RPH3A: variants seen among roughly 807,000 people sequenced by gnomAD.
RPH3A encodes rabphilin 3A.
A neutral mutation model predicts 102.2 loss-of-function variants in RPH3A; 48 were observed. That is an observed-to-expected ratio of 0.47 (90% CI 0.37 to 0.60). The LOEUF (loss-of-function observed/expected upper bound fraction) is 0.60, where lower values mean the gene tolerates loss of function less well. Ranked by LOEUF, RPH3A falls within the 20% of genes least tolerant of loss-of-function variation. The pLI is 0.00. For missense variants in RPH3A, 781 were observed against 910.1 expected (o/e 0.86, Z 1.83); for synonymous variants, 310 against 324.3 (o/e 0.96, Z 0.47).
At chr12:112,630,280 A>G (rs1423988649) in intron 1 of RPH3A, among the ~76,000 whole-genome samples, 1 of 152,162 alleles carries the variant, frequency 6.6e-6, no homozygotes, top group Non-Finnish European at 1.5e-5. Context: ...GAAACTCACA[A>G]TGATTTATTC....
chr12:112,579,451 C>T (rs1184383573), intron 1 of RPH3A, among the ~76,000 whole-genome samples: 2 of 152,046 alleles, frequency 1.3e-5, no homozygotes, highest in African/African-American at 4.8e-5. Context: ...ATGCCTCCTC[C>T]CTCACCTTCT....
At chr12:112,729,457 A>G (rs781713919) in intron 1 of RPH3A, among the ~76,000 whole-genome samples, 3 of 152,058 alleles carry the variant, frequency 2.0e-5, no homozygotes, top group Non-Finnish European at 4.4e-5. Flanking sequence ...AAGTGCTAGG[A>G]TTACAGGCAT....
Position 112,713,023 on chromosome 12 carries a change from C to CTTCTTCTTCT in RPH3A, c.-139-79119_-139-79118insTCTTCTTCTT, listed in dbSNP as rs2040485409. On this transcript the variant is annotated intron_variant, in intron 1 of 21. Coordinates refer to the RPH3A transcript ENST00000543106. ...CCTCTTCCTCTTCCTCTTCCTCTTC[C>CTTCTTCTTCT]TCTTCTTCTTCTTCTTCTTCTTCTT... is the stretch of plus-strand genomic sequence containing the variant. Among the ~76,000 whole-genome samples, 13 of 52,800 alleles carry CTTCTTCTTCT rather than the reference C, an allele frequency of 2.5e-4. 1 individual carries two copies. Among genetic ancestry groups the CTTCTTCTTCT allele is most frequent in the East Asian group, 1.5e-3 (2 of 1,366 alleles). The allele number at this position is 52,800 out of a possible 152,430, so 34.6% of individuals were successfully genotyped here.
At chr12:112,784,639 C>G (rs1423930870) in intron 1 of RPH3A, among the ~76,000 whole-genome samples, 1 of 152,154 alleles carries the variant, frequency 6.6e-6, no homozygotes, top group Admixed American at 6.5e-5. Context: ...CGTGAGAACT[C>G]AGAAATACAC....
In RPH3A at chr12:112,592,039, T is replaced by C. The variant is rs1026713946; in HGVS notation, c.-140+16720T>C. 4.6e-5 allele frequency among the ~76,000 whole-genome samples: 7 copies of C among 152,206 alleles called. No homozygotes were observed. In the South Asian group the frequency reaches 1.4e-3, roughly 32 times the overall value. ...CATACTTTAAATCACTTCGAGATTATTTAAATACCTAATACAATGTAAATG... is the reference window on the plus strand; with the variant it reads ...CATACTTTAAATCACTTCGAGATTACTTAAATACCTAATACAATGTAAATG... On this transcript the variant is annotated intron_variant, in intron 1 of 21. Transcript: ENST00000543106.
chr12:112,898,193 A>G lies in RPH3A; in HGVS notation c.*1413A>G, dbSNP rs549882416. The G allele has an allele frequency of 2.0e-5, 3 of 152,332 alleles. 1 individual carries two copies. The South Asian group carries it at 6.2e-4, about 32-fold the overall frequency. The allele number at this position is 152,332 out of a possible 1,614,324, so 9.4% of individuals were successfully genotyped here. The stretch of plus-strand genomic sequence containing the variant: ...GCCAAAGGCTTTGGGCTCATCATCA[A>G]TCTTTCACTTTCTTCCTATAAAAAA... On this transcript the variant is annotated 3_prime_UTR_variant, in exon 22 of 22. Coordinates refer to ENST00000389385, the MANE Select transcript of RPH3A (RefSeq NM_001143854.2).
chr12:112,736,633 A>T (rs1033072620), intron 1 of RPH3A, among the ~76,000 whole-genome samples: 10 of 152,210 alleles, frequency 6.6e-5, no homozygotes, highest in Admixed American at 6.5e-4. Flanking sequence ...GGGACTGTGC[A>T]TATTAAATGC....
chr12:112,811,841 C>A (rs1045168066), intron 2 of RPH3A, among the ~76,000 whole-genome samples: 21 of 152,088 alleles, frequency 1.4e-4, no homozygotes, highest in Admixed American at 9.8e-4. Context: ...TCAAGTGATA[C>A]CAAAGGACAC....
At chr12:112,620,099 G>C (rs1296385997) in intron 1 of RPH3A, among the ~76,000 whole-genome samples, 1 of 152,212 alleles carries the variant, frequency 6.6e-6, no homozygotes, top group Non-Finnish European at 1.5e-5. Context: ...AGCTGCCCCT[G>C]TGATGGTGTG....
intron 1 of RPH3A, among the ~76,000 whole-genome samples, chr12:112,583,236 T>C (rs1304704265): frequency 6.6e-6 from 1 of 152,196 alleles, no homozygotes; most frequent in Non-Finnish European, 1.5e-5. Flanking sequence ...CAGCTACTGT[T>C]TTAAGAGTTT....
At chr12:112,679,587 G>A (rs555577302) in intron 1 of RPH3A, among the ~76,000 whole-genome samples, 14 of 152,180 alleles carry the variant, frequency 9.2e-5, no homozygotes, top group South Asian at 4.1e-4. Context: ...CACCACGCCC[G>A]GCTAATTTTC....
rs574193211 is a variant in RPH3A, at chr12:112,602,047, G to T, written c.-140+26728G>T. On this transcript the variant is annotated intron_variant, in intron 1 of 21. Coordinates refer to the RPH3A transcript ENST00000543106. ...AGGCTCCCTCTGCAGAGGCAGAGGTGGGTATTGCTGAGGCGGGGCACACAA... is the reference window on the plus strand; with the variant it reads ...AGGCTCCCTCTGCAGAGGCAGAGGTTGGTATTGCTGAGGCGGGGCACACAA... 7.9e-5 allele frequency among the ~76,000 whole-genome samples: 12 copies of T among 152,342 alleles called. No homozygotes were observed. In the East Asian group the frequency reaches 1.9e-3, roughly 24 times the overall value.
chr12:112,833,360 A>G (rs2041999241), intron 3 of RPH3A, among the ~76,000 whole-genome samples: 1 of 152,206 alleles, frequency 6.6e-6, no homozygotes, highest in African/African-American at 2.4e-5. Context: ...AACATTTACC[A>G]GCACAGCACT....
At chr12:112,595,424 T>C (rs1037255938) in intron 1 of RPH3A, among the ~76,000 whole-genome samples, 2 of 152,198 alleles carry the variant, frequency 1.3e-5, no homozygotes, top group Admixed American at 1.3e-4. Flanking sequence ...GGGTATGTAA[T>C]CATGCAGCAA....
chr12:112,639,109 C>A (rs1037583996), intron 1 of RPH3A, among the ~76,000 whole-genome samples: 1 of 152,086 alleles, frequency 6.6e-6, no homozygotes, highest in Non-Finnish European at 1.5e-5. Context: ...CTTTTGGGGT[C>A]TCCTGAGAAA....
intron 2 of RPH3A, among the ~76,000 whole-genome samples, chr12:112,816,730 G>T (rs1485077388): frequency 2.0e-5 from 3 of 152,116 alleles, no homozygotes; most frequent in African/African-American, 7.2e-5. Flanking sequence ...TACTATTGTA[G>T]TTATTTCCAT....
chr12:112,595,828 G>T (rs1384565081), intron 1 of RPH3A, among the ~76,000 whole-genome samples: 1 of 152,036 alleles, frequency 6.6e-6, no homozygotes, highest in African/African-American at 2.4e-5. Context: ...CCTCCCTGGG[G>T]GCAACCACAC....
At chr12:112,800,370 A>T (rs1302438831) in intron 2 of RPH3A, among the ~76,000 whole-genome samples, 1 of 152,092 alleles carries the variant, frequency 6.6e-6, no homozygotes, top group African/African-American at 2.4e-5. Flanking sequence ...GGCTGGTGTG[A>T]GTGGGGTGAG....
chr12:112,869,943 C>G lies in RPH3A; in HGVS notation c.700C>G (p.Arg234Gly). 1.2e-6 allele frequency: 2 copies of G among 1,614,114 alleles called. No homozygotes were observed. The highest frequency in any genetic ancestry group is 8.5e-7 in the Non-Finnish European group (1 of 1,180,016). ...PGRGNYGPPV[R>G]RASEARMSSS... ...GCGAGGAAACTATGGGCCTCCCGTG[C>G]GCAGGGCCTCCGAGGCACGAATGAG... The change falls in exon 10 of 22, where the codon CGC (arginine) becomes GGC (glycine). Residue 234 changes from arginine to glycine, a missense_variant. Around this residue, in one of 2 missense-constraint regions of RPH3A, gnomAD observed 730 missense variants for 810.0 expected, o/e 0.90. Coordinates refer to ENST00000389385, the MANE Select transcript of RPH3A (RefSeq NM_001143854.2).
Sources: gnomAD v4.1 joint callset for allele counts (sites outside exome capture counted in the v4.1 genomes callset) on GRCh38, gnomAD v4.1.1 for gene constraint, gnomAD v4.1.1 regional missense constraint, MANE v1.5 for transcripts, NCBI Gene and HGNC (gene_info 2026-07-23, HGNC 2026-07-21) for gene names.